Variants in PRKCB observed in about 807,000 individuals in gnomAD.
The protein encoded by PRKCB is protein kinase C beta.
A neutral mutation model predicts 81.5 loss-of-function variants in PRKCB; 13 were observed. The observed-to-expected ratio is 0.16, with a 90% CI of 0.10 to 0.25. The LOEUF (loss-of-function observed/expected upper bound fraction) is 0.25. PRKCB is among the 10% of genes least tolerant of loss of function. PRKCB has a pLI of 1.00. For missense variants in PRKCB, 509 were observed against 875.7 expected (o/e 0.58, Z 5.29); for synonymous variants, 335 against 321.4 (o/e 1.04, Z -0.45).
chr16:23,873,248 T>C (rs1487647649), intron 2 of PRKCB, among the ~76,000 whole-genome samples: 1 of 149,302 alleles, frequency 6.7e-6, no homozygotes, highest in Non-Finnish European at 1.5e-5. Flanking sequence ...TGGGCGCCTG[T>C]AATCCCAGCT....
chr16:23,953,178 C>T (rs565635226), intron 2 of PRKCB, among the ~76,000 whole-genome samples: 2 of 152,266 alleles, frequency 1.3e-5, no homozygotes, highest in African/African-American at 2.4e-5. Flanking sequence ...AGCCCCCTGA[C>T]TCTGTTCTCT....
chr16:23,924,063 C>T (rs1963863760), intron 2 of PRKCB, among the ~76,000 whole-genome samples: 2 of 152,046 alleles, frequency 1.3e-5, no homozygotes, highest in Admixed American at 6.6e-5. Context: ...TTGTAATCCC[C>T]ATAATCCCCA....
intron 2 of PRKCB, among the ~76,000 whole-genome samples, chr16:23,987,456 C>T (rs1435546536): frequency 2.6e-5 from 4 of 151,826 alleles, no homozygotes; most frequent in Non-Finnish European, 5.9e-5. Context: ...ATATGTTCCT[C>T]TGTCACTTGT....
intron 2 of PRKCB, among the ~76,000 whole-genome samples, chr16:23,906,924 G>T (rs1597239216): frequency 6.6e-6 from 1 of 152,126 alleles, no homozygotes; most frequent in East Asian, 1.9e-4. Context: ...TGACCTGAAG[G>T]ATAACCGCAA....
At chr16:23,984,388 G>A (rs1964775126) in intron 2 of PRKCB, among the ~76,000 whole-genome samples, 1 of 152,098 alleles carries the variant, frequency 6.6e-6, no homozygotes, top group South Asian at 2.1e-4. Flanking sequence ...GATAGACACA[G>A]GATATACACC....
intron 2 of PRKCB, among the ~76,000 whole-genome samples, chr16:23,978,090 G>A (rs1964648422): frequency 6.6e-6 from 1 of 152,146 alleles, no homozygotes; most frequent in Non-Finnish European, 1.5e-5. Flanking sequence ...ATACAACCAA[G>A]CTGTAAATAT....
intron 2 of PRKCB, among the ~76,000 whole-genome samples, chr16:23,843,560 C>A (rs944840209): frequency 2.6e-5 from 4 of 151,932 alleles, no homozygotes; most frequent in Non-Finnish European, 4.4e-5. Flanking sequence ...GAGGCAACAA[C>A]GAATTCATTT....
chr16:24,147,168 C>T (rs1967002810), intron 9 of PRKCB, among the ~76,000 whole-genome samples: 1 of 151,920 alleles, frequency 6.6e-6, no homozygotes, highest in Admixed American at 6.6e-5. Flanking sequence ...ATTAGCCGGG[C>T]ATCGTGGCGG....
intron 2 of PRKCB, among the ~76,000 whole-genome samples, chr16:23,923,198 A>G (rs1332373484): frequency 1.3e-5 from 2 of 152,070 alleles, no homozygotes; most frequent in Non-Finnish European, 2.9e-5. Context: ...TATAAAACCA[A>G]AAAGTCCAAG....
At chr16:23,983,861 G>C (rs1012674491) in intron 2 of PRKCB, among the ~76,000 whole-genome samples, 1 of 151,960 alleles carries the variant, frequency 6.6e-6, no homozygotes, top group Non-Finnish European at 1.5e-5. Flanking sequence ...GATTACCGGG[G>C]CCTGCCACCA....
chr16:23,943,106 A>G (rs1964158397), intron 2 of PRKCB, among the ~76,000 whole-genome samples: 1 of 152,190 alleles, frequency 6.6e-6, no homozygotes, highest in Non-Finnish European at 1.5e-5. Context: ...TTGCCCTTCC[A>G]GTCTTTGCTC....
chr16:23,956,885 G>T (rs1964355970), intron 2 of PRKCB, among the ~76,000 whole-genome samples: 1 of 150,322 alleles, frequency 6.7e-6, no homozygotes, highest in Admixed American at 6.7e-5. Context: ...TTAATACATG[G>T]TGCTGGCATA....
chr16:24,055,847 C>T (rs1200468655), intron 5 of PRKCB, among the ~76,000 whole-genome samples: 1 of 152,166 alleles, frequency 6.6e-6, no homozygotes, highest in Non-Finnish European at 1.5e-5. Context: ...CAGTCTCTCT[C>T]TCTCTCGAAA....
intron 9 of PRKCB, among the ~76,000 whole-genome samples, chr16:24,147,306 C>A (rs372728064): frequency 1.8e-3 from 208 of 114,778 alleles, no homozygotes; most frequent in South Asian, 2.7e-3. Context: ...GACTCTGTCT[C>A]AAAAAAAAAA....
chr16:24,154,768 G>A lies in PRKCB; in HGVS notation c.1150G>A (p.Val384Met), dbSNP rs200238437. ...GGACGTTGTGATCCAAGATGATGAC[G>A]TGGAGTGCACTATGGTGGAGAAGCG... is the stretch of plus-strand genomic sequence containing the variant. Reference protein sequence around the residue: ...KKDVVIQDDDVECTMVEKRVL... With the variant: ...KKDVVIQDDDMECTMVEKRVL... Residue 384 changes from valine (V) to methionine (M), a missense_variant, in exon 10 of 17, where the codon GTG becomes ATG. This residue lies in a region of PRKCB where 106 missense variants were observed against 214.0 expected (regional missense o/e 0.50). Coordinates refer to ENST00000643927, the MANE Select transcript of PRKCB (RefSeq NM_002738.7). The A allele has an allele frequency of 3.9e-5, 63 of 1,614,094 alleles. No homozygotes were observed. Among genetic ancestry groups the A allele is most frequent in the Middle Eastern group, 1.6e-4 (1 of 6,084 alleles).
chr16:23,988,368 T>A (rs1448606693), intron 2 of PRKCB, 140 bp from the exon 3 acceptor site: 2 of 639,710 alleles, frequency 3.1e-6, no homozygotes, highest in African/African-American at 3.7e-5. Flanking sequence ...CTGCAGAAGC[T>A]GACATTATTG....
At chr16:23,997,786 T>C (rs1476596613) in intron 3 of PRKCB, among the ~76,000 whole-genome samples, 1 of 152,230 alleles carries the variant, frequency 6.6e-6, no homozygotes, top group Non-Finnish European at 1.5e-5. Flanking sequence ...TTTTCAGTTG[T>C]ACAAAGTCTA....
At chr16:24,011,578 G>A (rs1430419976) in intron 3 of PRKCB, among the ~76,000 whole-genome samples, 2 of 152,094 alleles carry the variant, frequency 1.3e-5, no homozygotes, top group Admixed American at 1.3e-4. Context: ...GTTCAGTGGT[G>A]CAATCATAGC....
intron 5 of PRKCB, among the ~76,000 whole-genome samples, chr16:24,044,465 G>A (rs1965741561): frequency 6.6e-6 from 1 of 152,190 alleles, no homozygotes; most frequent in South Asian, 2.1e-4. Context: ...AATTCAAGCT[G>A]TAAGATTATG....
Sources: gnomAD v4.1 joint callset for allele counts (sites outside exome capture counted in the v4.1 genomes callset) on GRCh38, gnomAD v4.1.1 for gene constraint, gnomAD v4.1.1 regional missense constraint, MANE v1.5 for transcripts, NCBI Gene and HGNC (gene_info 2026-07-23, HGNC 2026-07-21) for gene names.